The following MINDY2 variants were observed in gnomAD, a reference collection of about 807,000 sequenced individuals.
MINDY2 encodes the protein MINDY lysine 48 deubiquitinase 2, also known as ubiquitin carboxyl-terminal hydrolase MINDY-2.
In MINDY2, 52 loss-of-function variants were observed where a neutral mutation model predicts 68.2. The ratio of observed to expected loss-of-function variants is 0.76; its 90% CI spans 0.61 to 0.96. The LOEUF (loss-of-function observed/expected upper bound fraction) is 0.96. MINDY2 is among the 40% of genes least tolerant of loss of function. MINDY2 has a pLI of 0.00. For missense variants in MINDY2, 881 were observed against 773.4 expected (o/e 1.14, Z -1.65); for synonymous variants, 372 against 303.0 (o/e 1.23, Z -2.36).
rs1181840942 is a variant in MINDY2, at chr15:58,787,969, T to C, written c.898+6T>C. ...GCAGCTGATGGAATATTTAGGTTAGTGTTGAAAAGTGGATTTTATATCTCT... is the reference window on the plus strand; with the variant it reads ...GCAGCTGATGGAATATTTAGGTTAGCGTTGAAAAGTGGATTTTATATCTCT... On this transcript the variant is annotated splice_donor_region_variant and intron_variant, in intron 2 of 8. Coordinates refer to ENST00000559228, the MANE Select transcript of MINDY2 (RefSeq NM_001040450.3). 4.5e-6 allele frequency: 7 copies of C among 1,567,002 alleles called. No homozygotes were observed. In the Admixed American group the frequency reaches 1.1e-4, roughly 25 times the overall value.
chr15:58,791,638 GTGTGTGTGTGTGTGTGTGTGTGTA>G (rs1901937617), intron 2 of MINDY2, among the ~76,000 whole-genome samples: 1 of 149,278 alleles, frequency 6.7e-6, no homozygotes, highest in African/African-American at 2.5e-5. Context: ...GTGTGTGTGT[GTGTGTGTGTGTGTGTGTGTGTGTA>G]TGTGTGTGTG....
Position 58,859,918 on chromosome 15 carries a change from A to G in MINDY2, c.*5308A>G, listed in dbSNP as rs557157652. On this transcript the variant is annotated 3_prime_UTR_variant, in exon 9 of 9. Transcript: ENST00000559228. ...ATTGCCTCAAGTTCAGTTTTGTCCT[A>G]TTGTCCTGAGAAAGGAGATTTAGAC... 3.9e-5 allele frequency: 6 copies of G among 152,272 alleles called. No individual in the cohort carries two copies. The highest frequency in any genetic ancestry group is 1.9e-4 in the East Asian group (1 of 5,184). 9.4% of individuals were successfully genotyped at this position (152,272 alleles called of 1,614,324 possible).
At chr15:58,826,852 T>G (rs1011717610) in intron 5 of MINDY2, among the ~76,000 whole-genome samples, 1 of 152,080 alleles carries the variant, frequency 6.6e-6, no homozygotes, top group Admixed American at 6.6e-5. Flanking sequence ...CCTTATTCCT[T>G]CCTCCCTCCC....
intron 1 of MINDY2, among the ~76,000 whole-genome samples, chr15:58,773,923 G>A (rs1360763359): frequency 1.3e-5 from 2 of 152,146 alleles, no homozygotes; most frequent in Admixed American, 6.5e-5. Flanking sequence ...GTGAACAAGA[G>A]CCATTTGATA....
In MINDY2 at chr15:58,856,480, A is replaced by G. The variant is rs1270321911; in HGVS notation, c.*1870A>G. Reference sequence around the variant, plus strand: ...TATATTGCATGTCTATTTCTGTTACACAATTTGTTATTTCTTCAAATTTCC... The same window carrying G: ...TATATTGCATGTCTATTTCTGTTACGCAATTTGTTATTTCTTCAAATTTCC... On this transcript the variant is annotated 3_prime_UTR_variant, in exon 9 of 9. Coordinates refer to ENST00000559228, the MANE Select transcript of MINDY2 (RefSeq NM_001040450.3). 6.6e-6 allele frequency: 1 copy of G among 152,584 alleles called. No individual in the cohort carries two copies. Among genetic ancestry groups the G allele is most frequent in the Non-Finnish European group, 1.5e-5 (1 of 68,032 alleles). The allele number at this position is 152,584 out of a possible 1,614,324, so 9.5% of individuals were successfully genotyped here.
At chr15:58,854,425 A>T in intron 8 of MINDY2, 57 bp from the exon 9 acceptor site, 1 of 1,565,444 alleles carries the variant, frequency 6.4e-7, no homozygotes, top group South Asian at 1.2e-5. Flanking sequence ...CTAGATAACC[A>T]TGAGTAAGTC....
At chr15:58,810,584 G>A (rs1351834710) in intron 4 of MINDY2, among the ~76,000 whole-genome samples, 196 bp downstream of exon 4, 1 of 152,094 alleles carries the variant, frequency 6.6e-6, no homozygotes, top group Admixed American at 6.6e-5. Context: ...ACTCTAAGGA[G>A]CTAGGGCCCA....
At position 58,772,097 on chromosome 15, in the gene MINDY2, G is replaced by A; in HGVS notation, c.702G>A (p.Lys234=). The stretch of plus-strand genomic sequence containing the variant: ...CCGCTCAGGTGCTGGCGGCCTCCAA[G>A]GAACGCTTCCCGGGACAATCTGTGT... ...EETAQVLAAS[K]ERFPGQSVYH... Residue 234 remains lysine (K), a synonymous_variant, in exon 1 of 9, where the codon AAG becomes AAA. Transcript: ENST00000559228. 1 of 1,613,814 alleles carries A rather than the reference G, an allele frequency of 6.2e-7. No homozygotes were observed. The highest frequency in any genetic ancestry group is 8.5e-7 in the Non-Finnish European group (1 of 1,179,796).
chr15:58,795,341 C>G (rs1873024982), intron 2 of MINDY2, among the ~76,000 whole-genome samples: 1 of 152,084 alleles, frequency 6.6e-6, no homozygotes, highest in Middle Eastern at 3.2e-3. Context: ...CCTTTATAGA[C>G]ACTTTTGTCC....
intron 5 of MINDY2, among the ~76,000 whole-genome samples, chr15:58,823,581 C>T (rs1364288579): frequency 1.3e-5 from 2 of 152,070 alleles, no homozygotes; most frequent in African/African-American, 2.4e-5. Context: ...TGAAAGATCA[C>T]TTGAGCCCAG....
intron 3 of MINDY2, among the ~76,000 whole-genome samples, chr15:58,806,077 A>T (rs1344779649): frequency 5.9e-5 from 9 of 152,218 alleles, no homozygotes; most frequent in Non-Finnish European, 1.2e-4. Context: ...CCGTCTCAAA[A>T]AAACAACAAA....
chr15:58,822,732 A>G lies in MINDY2; in HGVS notation c.1225+913A>G, dbSNP rs990648740. Among the ~76,000 whole-genome samples the G allele has an allele frequency of 2.6e-5, 4 of 152,186 alleles. No individual in the cohort carries two copies. In the South Asian group the frequency reaches 8.3e-4, roughly 31 times the overall value. On this transcript the variant is annotated intron_variant, in intron 5 of 8. Transcript: ENST00000559228. Reference sequence around the variant, plus strand: ...AGGAGATTTGAAACAGAATGCTATCAAAAGGCATAGCATGTAGATATACCT... The same window carrying G: ...AGGAGATTTGAAACAGAATGCTATCGAAAGGCATAGCATGTAGATATACCT...
At chr15:58,837,366 A>G (rs1182619019) in intron 6 of MINDY2, among the ~76,000 whole-genome samples, 1 of 152,062 alleles carries the variant, frequency 6.6e-6, no homozygotes, top group Non-Finnish European at 1.5e-5. Context: ...TGAGGCCCAG[A>G]GTTCAAAGCC....
At chr15:58,853,001 G>GGAGT (rs2032911312) in intron 8 of MINDY2, among the ~76,000 whole-genome samples, 1 of 54,848 alleles carries the variant, frequency 1.8e-5, no homozygotes, top group African/African-American at 4.8e-5. Flanking sequence ...TGCCCAGGCT[G>GGAGT]GAGTGCAGTG....
At chr15:58,812,797 G>A (rs1338626761) in intron 4 of MINDY2, among the ~76,000 whole-genome samples, 1 of 152,202 alleles carries the variant, frequency 6.6e-6, no homozygotes, top group African/African-American at 2.4e-5. Flanking sequence ...GGTTGAAGCT[G>A]CAGTGAGCTG....
intron 6 of MINDY2, among the ~76,000 whole-genome samples, chr15:58,844,733 A>G (rs1595778191): frequency 6.6e-6 from 1 of 151,764 alleles, no homozygotes; most frequent in East Asian, 1.9e-4. Context: ...CCTGGCCAAC[A>G]TGGTGAAACT....
At chr15:58,831,977 TGTC>T (rs2031752123) in intron 6 of MINDY2, 61 bp downstream of exon 6, 2 of 1,462,706 alleles carry the variant, frequency 1.4e-6, no homozygotes, top group East Asian at 4.7e-5. Flanking sequence ...GATTTAGAGT[TGTC>T]TTTTGATCTG....
chr15:58,812,569 G>A (rs1185904390), intron 4 of MINDY2, among the ~76,000 whole-genome samples: 3 of 151,590 alleles, frequency 2.0e-5, no homozygotes, highest in Non-Finnish European at 4.4e-5. Context: ...TAGTAAAGTC[G>A]AGATACATGG....
intron 5 of MINDY2, among the ~76,000 whole-genome samples, chr15:58,826,600 T>C (rs1164978869): frequency 6.6e-6 from 1 of 152,236 alleles, no homozygotes; most frequent in Non-Finnish European, 1.5e-5. Flanking sequence ...AAATGCTTCA[T>C]CATTTGTCTC....
Sources: allele counts gnomAD v4.1 joint callset (sites outside exome capture counted in the v4.1 genomes callset), GRCh38; gene constraint gnomAD v4.1.1; transcripts MANE v1.5; gene names NCBI Gene and HGNC (gene_info 2026-07-23, HGNC 2026-07-21).